The following NUFIP2 variants were observed in gnomAD, a reference collection of about 807,000 sequenced individuals.
The protein encoded by NUFIP2 is nuclear FMR1 interacting protein 2.
In NUFIP2, 6 loss-of-function variants were observed where a neutral mutation model predicts 56.9. The observed-to-expected ratio is 0.11, with a 90% CI of 0.06 to 0.21. The LOEUF (loss-of-function observed/expected upper bound fraction) is 0.21. NUFIP2 is among the 10% of genes least tolerant of loss of function. The probability of loss-of-function intolerance (pLI) is 1.00; values close to 1 mark genes in which losing one functional copy is unlikely to be tolerated. For missense variants in NUFIP2, 828 were observed against 826.8 expected, an observed-to-expected ratio of 1.00 and a Z score of -0.02; for synonymous variants, 321 against 298.2, an observed-to-expected ratio of 1.08 and a Z score of -0.79.
At chr17:29,280,045 T>C (rs1208792805) in intron 2 of NUFIP2, among the ~76,000 whole-genome samples, 4 of 152,144 alleles carry the variant, frequency 2.6e-5, no homozygotes, top group African/African-American at 9.7e-5. Flanking sequence ...CTCAAACTCC[T>C]GACCTCAGGT....
chr17:29,258,806 T>C lies in NUFIP2; in HGVS notation c.*5733A>G, dbSNP rs774794012. 3.3e-5 allele frequency: 5 copies of C among 152,222 alleles called. No homozygotes were observed. Among genetic ancestry groups the C allele is most frequent in the South Asian group, 2.1e-4 (1 of 4,834 alleles). 9.4% of individuals were successfully genotyped at this position (152,222 alleles called of 1,614,324 possible). On this transcript the variant is annotated 3_prime_UTR_variant, in exon 4 of 4. Transcript: ENST00000225388. ...CAACCTATGGTATATGTATGGTATA[T>C]AGTAATGTAAAAAGTGCATCACATT...
intron 1 of NUFIP2, among the ~76,000 whole-genome samples, chr17:29,290,055 C>T (rs190813335): frequency 6.6e-6 from 1 of 152,166 alleles, no homozygotes; most frequent in Admixed American, 6.5e-5. Context: ...GCTGGGATTA[C>T]AGGCATGCAC....
In NUFIP2 at chr17:29,258,823, C is replaced by A. The variant is rs776176084; in HGVS notation, c.*5716G>T. 4 of 152,162 alleles carry A rather than the reference C, an allele frequency of 2.6e-5. No homozygotes were observed. The highest frequency in any genetic ancestry group is 5.9e-5 in the Non-Finnish European group (4 of 68,022). The allele number at this position is 152,162 out of a possible 1,614,324, so 9.4% of individuals were successfully genotyped here. A position where few individuals can be genotyped will look rare whatever the true frequency, so the allele number is the denominator to read the frequency against. ...ATGGTATATAGTAATGTAAAAAGTG[C>A]ATCACATTCTTGATTTTCAGTTTCT... On this transcript the variant is annotated 3_prime_UTR_variant, in exon 4 of 4. Transcript: ENST00000225388.
intron 2 of NUFIP2, among the ~76,000 whole-genome samples, chr17:29,281,704 A>C (rs1298425723): frequency 6.6e-6 from 1 of 150,652 alleles, no homozygotes; most frequent in African/African-American, 2.4e-5. Flanking sequence ...AAAAAAAAAA[A>C]AAAAACAGCT....
intron 2 of NUFIP2, among the ~76,000 whole-genome samples, chr17:29,277,923 G>A (rs1310639186): frequency 6.6e-6 from 1 of 152,024 alleles, no homozygotes; most frequent in Non-Finnish European, 1.5e-5. Context: ...TGAGGCAAGA[G>A]ATCGCTTGAA....
chr17:29,292,880 A>ACG (rs2069225499), intron 1 of NUFIP2, among the ~76,000 whole-genome samples: 1 of 63,068 alleles, frequency 1.6e-5, no homozygotes, highest in South Asian at 4.6e-4. Context: ...CCGGCCGGCG[A>ACG]CGGGGGGGGG....
intron 2 of NUFIP2, among the ~76,000 whole-genome samples, chr17:29,279,525 G>A (rs1398877655): frequency 1.3e-5 from 2 of 152,090 alleles, no homozygotes; most frequent in African/African-American, 2.4e-5. Flanking sequence ...GTAAGTAATT[G>A]CTTAATACCA....
chr17:29,292,117 T>C (rs1298127494), intron 1 of NUFIP2, among the ~76,000 whole-genome samples: 4 of 152,228 alleles, frequency 2.6e-5, no homozygotes, highest in South Asian at 2.1e-4. Flanking sequence ...ACATGACTTT[T>C]ACCCTCAATT....
rs554150380 is a variant in NUFIP2, at chr17:29,262,756, A to T, written c.*1783T>A. The T allele has an allele frequency of 5.3e-5, 8 of 150,062 alleles. No homozygotes were observed. The South Asian group carries it at 1.7e-3, about 31-fold the overall frequency. The allele number at this position is 150,062 out of a possible 1,614,324, so 9.3% of individuals were successfully genotyped here. ...ATATATATATATATATATTATGTAT[A>T]AAAAAAAGTTTTGTTTACATCAAGT... On this transcript the variant is annotated 3_prime_UTR_variant, in exon 4 of 4. Coordinates refer to ENST00000225388, the MANE Select transcript of NUFIP2 (RefSeq NM_020772.3).
In NUFIP2 at chr17:29,294,047, G is replaced by T. The variant is rs756243124; in HGVS notation, c.13C>A (p.Pro5Thr). Residue 5 changes from proline to threonine, a missense_variant, in exon 1 of 4, where the codon CCC (proline) becomes ACC (threonine). Coordinates refer to ENST00000225388, the MANE Select transcript of NUFIP2 (RefSeq NM_020772.3). Reference sequence around the variant, plus strand: ...TGGTGCTGAGGCTGTGGCTGGCCGGGCTTCTCCTCCATTGAAAGCGGCTGG... The same window carrying T: ...TGGTGCTGAGGCTGTGGCTGGCCGGTCTTCTCCTCCATTGAAAGCGGCTGG... Reference protein sequence around the residue: MEEKPGQPQPQHHHS... With the variant: MEEKTGQPQPQHHHS... The T allele has an allele frequency of 1.2e-6, 2 of 1,601,644 alleles. No individual in the cohort carries two copies. Among genetic ancestry groups the T allele is most frequent in the South Asian group, 1.1e-5 (1 of 89,750 alleles).
intron 2 of NUFIP2, among the ~76,000 whole-genome samples, chr17:29,285,298 T>C (rs755157199): frequency 6.8e-6 from 1 of 147,712 alleles, no homozygotes; most frequent in Non-Finnish European, 1.5e-5. Flanking sequence ...AGACTCTGTC[T>C]CAAAAACAAA....
chr17:29,267,649 A>G, intron 2 of NUFIP2, 119 bp from the exon 3 acceptor site: 1 of 580,734 alleles, frequency 1.7e-6, no homozygotes, highest in Non-Finnish European at 3.0e-6. Context: ...GGTAGGGTTG[A>G]AAATGGCAAA....
At chr17:29,280,360 G>C (rs1055107047) in intron 2 of NUFIP2, among the ~76,000 whole-genome samples, 7 of 152,202 alleles carry the variant, frequency 4.6e-5, no homozygotes, top group Non-Finnish European at 8.8e-5. Context: ...TCAAGTCAAA[G>C]AGAGGCTTGC....
Position 29,259,794 on chromosome 17 carries a change from A to G in NUFIP2, c.*4745T>C, listed in dbSNP as rs1025037929. ...TCATGCTGCAATGGGTGTTTTTATT[A>G]TGCAGACAACCGAAAATTCTATTCG... On this transcript the variant is annotated 3_prime_UTR_variant, in exon 4 of 4. Coordinates refer to ENST00000225388, the MANE Select transcript of NUFIP2 (RefSeq NM_020772.3). 1 of 152,190 alleles carries G rather than the reference A, an allele frequency of 6.6e-6. No homozygotes were observed. The allele number at this position is 152,190 out of a possible 1,614,324, so 9.4% of individuals were successfully genotyped here. A position where few individuals can be genotyped will look rare whatever the true frequency, so the allele number is the denominator to read the frequency against.
At chr17:29,281,229 G>A (rs902835125) in intron 2 of NUFIP2, among the ~76,000 whole-genome samples, 10 of 152,176 alleles carry the variant, frequency 6.6e-5, no homozygotes, top group African/African-American at 2.2e-4. Context: ...GCTGAGGCAG[G>A]AGAAATCACT....
chr17:29,287,661 C>A lies in NUFIP2; in HGVS notation c.333G>T (p.Leu111=). 6.2e-7 allele frequency: 1 copy of A among 1,613,486 alleles called. No homozygotes were observed. The highest frequency in any genetic ancestry group is 8.5e-7 in the Non-Finnish European group (1 of 1,179,906). ...AGEREISLKN[L]SSDEATNPIS... ...TAGGGTTGGTGGCTTCATCAGAACT[C>A]AGGTTCTTTAAAGATATTTCTCTTT... Residue 111 remains leucine, a synonymous_variant, in exon 2 of 4, where the codon CTG becomes CTT. Coordinates refer to ENST00000225388, the MANE Select transcript of NUFIP2 (RefSeq NM_020772.3).
At position 29,292,884 on chromosome 17, in the gene NUFIP2, G is replaced by GGC. The variant is rs999769041; in HGVS notation, c.277+898_277+899insGC. 1.1e-4 allele frequency among the ~76,000 whole-genome samples: 15 copies of GGC among 141,172 alleles called. 2 individuals carry two copies. Among genetic ancestry groups the GGC allele is most frequent in the Non-Finnish European group, 9.4e-5 (6 of 64,040 alleles). 92.6% of individuals were successfully genotyped at this position (141,172 alleles called of 152,430 possible). ...GTTACACAACCCCGGCCGGCGACGG[G>GGC]GGGGGGGGCGGCCGCGGTGCGGGGG... On this transcript the variant is annotated intron_variant, in intron 1 of 3. Coordinates refer to ENST00000225388, the MANE Select transcript of NUFIP2 (RefSeq NM_020772.3).
At chr17:29,289,027 C>G (rs1447650043) in intron 1 of NUFIP2, among the ~76,000 whole-genome samples, 1 of 152,128 alleles carries the variant, frequency 6.6e-6, no homozygotes, top group Admixed American at 6.6e-5. Flanking sequence ...CCTATACTCC[C>G]AGCTGGGGGA....
Position 29,287,297 on chromosome 17 carries a change from C to A in NUFIP2, c.697G>T (p.Gly233Cys). The change falls in exon 2 of 4, where the codon GGT (glycine) becomes TGT (cysteine). Residue 233 changes from glycine (G) to cysteine (C), a missense_variant. Gly to Cys is a radical substitution (Grantham distance 159). Transcript: ENST00000225388. ...TGCACTATATTAAGGTTTTCACAACCCTTGGCACTATTGCGCCTAGCTTTC... is the reference window on the plus strand; with the variant it reads ...TGCACTATATTAAGGTTTTCACAACACTTGGCACTATTGCGCCTAGCTTTC... ...KRKARRNSAK[G>C]CENLNIVQDK... 6.2e-7 allele frequency: 1 copy of A among 1,614,136 alleles called. No homozygotes were observed. Among genetic ancestry groups the A allele is most frequent in the Non-Finnish European group, 8.5e-7 (1 of 1,180,030 alleles).
Sources: allele counts gnomAD v4.1 joint callset (sites outside exome capture counted in the v4.1 genomes callset), GRCh38; gene constraint gnomAD v4.1.1; transcripts MANE v1.5; gene names NCBI Gene and HGNC (gene_info 2026-07-23, HGNC 2026-07-21).